The following FMN2 variants were observed in gnomAD, a reference collection of about 807,000 sequenced individuals.
FMN2 encodes formin-2.
A neutral mutation model predicts 142.3 loss-of-function variants in FMN2; 51 were observed. The observed-to-expected ratio is 0.36, with a 90% CI of 0.29 to 0.45. The LOEUF is 0.45. FMN2 is among the 20% of genes least tolerant of loss of function. FMN2 has a pLI of 1.00. For synonymous variants in FMN2, 882 were observed against 869.8 expected (o/e 1.01, Z -0.25); for missense variants, 1,936 against 2,122.8 (o/e 0.91, Z 1.73).
At chr1:240,222,110 C>T (rs1426096475) in intron 6 of FMN2, among the ~76,000 whole-genome samples, 5 of 150,780 alleles carry the variant, frequency 3.3e-5, no homozygotes, top group Middle Eastern at 3.2e-3. Flanking sequence ...CCACCTGCCT[C>T]GGCAGGTTTT....
chr1:240,430,541 T>A (rs1675128440), intron 15 of FMN2, among the ~76,000 whole-genome samples: 1 of 152,076 alleles, frequency 6.6e-6, no homozygotes, highest in African/African-American at 2.4e-5. Context: ...TGATTAGTCC[T>A]TTTTGTGTCT....
chr1:240,188,428 A>T (rs1316089448), intron 4 of FMN2, among the ~76,000 whole-genome samples, 166 bp downstream of exon 4: 1 of 152,120 alleles, frequency 6.6e-6, no homozygotes, highest in Non-Finnish European at 1.5e-5. Flanking sequence ...GTTTTCTTCC[A>T]TTTATTTTTT....
intron 14 of FMN2, among the ~76,000 whole-genome samples, chr1:240,364,170 G>T (rs1672586272): frequency 6.6e-6 from 1 of 152,034 alleles, no homozygotes; most frequent in Non-Finnish European, 1.5e-5. Context: ...AGGGCTCATT[G>T]CTTGACTGAA....
intron 2 of FMN2, among the ~76,000 whole-genome samples, chr1:240,161,607 A>G (rs1486753756): frequency 6.6e-6 from 1 of 152,202 alleles, no homozygotes; most frequent in Non-Finnish European, 1.5e-5. Context: ...ACAGTAATTA[A>G]GCATTCTAGT....
chr1:240,180,102 C>G (rs1293442048), intron 3 of FMN2: 1 of 1,068,654 alleles, frequency 9.4e-7, no homozygotes, highest in Non-Finnish European at 1.3e-6. Flanking sequence ...ATGTAGCTTG[C>G]AAAATGCTAG....
At chr1:240,472,966 A>G (rs1027541905) in intron 17 of FMN2, among the ~76,000 whole-genome samples, 2 of 148,860 alleles carry the variant, frequency 1.3e-5, no homozygotes, top group African/African-American at 4.9e-5. Flanking sequence ...AAAAAAATTA[A>G]GATAAATCTA....
At chr1:240,425,787 C>T (rs997016297) in intron 15 of FMN2, among the ~76,000 whole-genome samples, 10 of 152,124 alleles carry the variant, frequency 6.6e-5, no homozygotes, top group African/African-American at 2.4e-4. Context: ...TTGTTCTGTA[C>T]CTTGACTCTT....
chr1:240,136,494 C>T (rs141710469), intron 2 of FMN2, among the ~76,000 whole-genome samples: 53 of 152,178 alleles, frequency 3.5e-4, no homozygotes, highest in African/African-American at 1.1e-3. Context: ...TTGTTTTTTC[C>T]TCCTTTAAGA....
At chr1:240,364,494 C>T (rs181116531) in intron 14 of FMN2, among the ~76,000 whole-genome samples, 2 of 152,034 alleles carry the variant, frequency 1.3e-5, no homozygotes, top group African/African-American at 2.4e-5. Flanking sequence ...TTTAAAGGTA[C>T]CTTTCTTGCC....
Position 240,207,503 on chromosome 1 carries a change from C to T in FMN2, c.2691C>T (p.Pro897=). The change falls in exon 5 of 18, where the codon CCC becomes CCT. Residue 897 remains proline (P), a synonymous_variant. Transcript: ENST00000319653. ...TVPTLPSTAI[P]QPPPLQGTEM... Reference sequence around the variant, plus strand: ...CTACTCTGCCCAGTACAGCCATTCCCCAACCTCCTCCTCTGCAGGGTACAG... The same window carrying T: ...CTACTCTGCCCAGTACAGCCATTCCTCAACCTCCTCCTCTGCAGGGTACAG... 1 of 1,613,540 alleles carries T rather than the reference C, an allele frequency of 6.2e-7. No individual in the cohort carries two copies. Among genetic ancestry groups the T allele is most frequent in the Non-Finnish European group, 8.5e-7 (1 of 1,179,766 alleles).
intron 14 of FMN2, among the ~76,000 whole-genome samples, chr1:240,375,023 GC>G (rs1672998124): frequency 6.6e-6 from 1 of 152,100 alleles, no homozygotes; most frequent in Non-Finnish European, 1.5e-5. Flanking sequence ...TTATTAATTG[GC>G]CTAATTTCGA....
At chr1:240,320,215 T>C (rs1670925980) in intron 8 of FMN2, among the ~76,000 whole-genome samples, 1 of 152,106 alleles carries the variant, frequency 6.6e-6, no homozygotes, top group Admixed American at 6.5e-5. Flanking sequence ...ACTTGTAGAC[T>C]GAAACGATGT....
intron 6 of FMN2, among the ~76,000 whole-genome samples, chr1:240,253,423 A>G (rs1263953177): frequency 6.6e-6 from 1 of 152,164 alleles, no homozygotes. Context: ...GAAGTCTTCC[A>G]TCCCAGAATT....
intron 6 of FMN2, among the ~76,000 whole-genome samples, chr1:240,233,134 A>G (rs542293974): frequency 1.0e-3 from 153 of 152,146 alleles, no homozygotes; most frequent in Admixed American, 4.7e-3. Context: ...TAATCCCAGC[A>G]CTTTGGGAGG....
At chr1:240,224,708 C>G (rs2103429390) in intron 6 of FMN2, among the ~76,000 whole-genome samples, 1 of 152,206 alleles carries the variant, frequency 6.6e-6, no homozygotes, top group East Asian at 1.9e-4. Flanking sequence ...GCACAGAAAG[C>G]CAATCACTGA....
At chr1:240,222,795 T>C (rs1308487273) in intron 6 of FMN2, among the ~76,000 whole-genome samples, 2 of 152,180 alleles carry the variant, frequency 1.3e-5, no homozygotes, top group African/African-American at 4.8e-5. Flanking sequence ...TCTCTGTTTG[T>C]CTATTATTGG....
intron 14 of FMN2, among the ~76,000 whole-genome samples, chr1:240,358,604 G>C (rs944562035): frequency 2.7e-5 from 4 of 148,064 alleles, no homozygotes; most frequent in Admixed American, 1.3e-4. Context: ...GGGAAGCAAG[G>C]CATCTTCTTT....
chr1:240,209,496 C>T (rs532544137), intron 5 of FMN2, among the ~76,000 whole-genome samples: 271 of 150,762 alleles, frequency 1.8e-3, no homozygotes, highest in African/African-American at 6.1e-3. Flanking sequence ...CCTCGTGATC[C>T]GCCCGCCTCG....
At chr1:240,258,656 T>C (rs1668529176) in intron 7 of FMN2, among the ~76,000 whole-genome samples, 1 of 152,200 alleles carries the variant, frequency 6.6e-6, no homozygotes, top group Non-Finnish European at 1.5e-5. Context: ...CTTAACATTT[T>C]ATAAATGGCT....
Sources: allele counts gnomAD v4.1 joint callset (sites outside exome capture counted in the v4.1 genomes callset), GRCh38; gene constraint gnomAD v4.1.1; transcripts MANE v1.5; gene names NCBI Gene and HGNC (gene_info 2026-07-23, HGNC 2026-07-21).